Variants in MGST1 observed in about 807,000 individuals in gnomAD.
The protein encoded by MGST1 is glutathione S-transferase 12.
MGST1 carries 5 observed loss-of-function variants against 8.9 expected under a neutral mutation model. The ratio of observed to expected loss-of-function variants is 0.56; its 90% CI spans 0.29 to 1.19. MGST1 has a LOEUF of 1.19. Ranked by LOEUF, MGST1 falls within the 50% of genes most tolerant of loss-of-function variation. MGST1 has a pLI of 0.08. For missense variants in MGST1, 182 were observed against 187.4 expected (o/e 0.97, Z 0.17); for synonymous variants, 54 against 67.8 (o/e 0.80, Z 1.00).
Position 16,547,064 on chromosome 12 carries a change from C to G in MGST1, n.483-42464C>G, listed in dbSNP as rs1420374138. 6.6e-6 allele frequency among the ~76,000 whole-genome samples: 1 copy of G among 152,074 alleles called. No individual in the cohort carries two copies. The highest frequency in any genetic ancestry group is 2.4e-5 in the African/African-American group (1 of 41,418). On this transcript the variant is annotated intron_variant and non_coding_transcript_variant, in intron 4 of 4. Coordinates refer to the MGST1 transcript ENST00000538857. This position sits in a 1 kb window ranked among gnomAD's most constrained non-coding sequence, Gnocchi z 4.6. ...TAAAAATATACCTTTCTGAATAATACTTTTCTAATAGCATGGCCTCAAAGG... is the reference window on the plus strand; with the variant it reads ...TAAAAATATACCTTTCTGAATAATAGTTTTCTAATAGCATGGCCTCAAAGG...
intron 4 of MGST1, among the ~76,000 whole-genome samples, chr12:16,515,056 C>T (rs1040173148): frequency 2.0e-5 from 3 of 152,182 alleles, no homozygotes; most frequent in African/African-American, 7.2e-5. Flanking sequence ...ACATTAGAGG[C>T]TTTGAGAGAA....
chr12:16,479,389 C>T (rs1404523203), intron 4 of MGST1, among the ~76,000 whole-genome samples: 12 of 151,440 alleles, frequency 7.9e-5, no homozygotes, highest in Non-Finnish European at 1.8e-4. Context: ...TGCCCGCCAC[C>T]ACGCCCGGCT....
chr12:16,447,832 A>G (rs976200509), intron 4 of MGST1, among the ~76,000 whole-genome samples: 8 of 151,978 alleles, frequency 5.3e-5, no homozygotes, highest in African/African-American at 1.9e-4. Flanking sequence ...GAGTTCCTTT[A>G]TATATTTTTC....
chr12:16,563,393 T>A (rs192672025), intron 4 of MGST1, among the ~76,000 whole-genome samples: 55 of 152,342 alleles, frequency 3.6e-4, no homozygotes, highest in Non-Finnish European at 6.3e-4. Context: ...AAATGTATAA[T>A]GTTATCCTTT....
chr12:16,354,645 A>T (rs780845180), intron 2 of MGST1: 6 of 232,048 alleles, frequency 2.6e-5, no homozygotes, highest in Non-Finnish European at 4.9e-5. Context: ...GGAATATCAA[A>T]GTTTTCACGG....
Position 16,582,832 on chromosome 12 carries a change from G to A in MGST1, n.483-6696G>A, listed in dbSNP as rs57776661. Among the ~76,000 whole-genome samples, 7,449 of 152,166 alleles carry A rather than the reference G, an allele frequency of 0.049. 624 individuals are homozygous for A. Among genetic ancestry groups the A allele is most frequent in the African/African-American group, 0.17 (7,030 of 41,496 alleles). ...GGAGGCCAAATTGAGTGGATCACCT[G>A]AGGTCAGGAGTTCGAGACCAGCCTG... is the stretch of plus-strand genomic sequence containing the variant. On this transcript the variant is annotated intron_variant and non_coding_transcript_variant, in intron 4 of 4. Coordinates refer to the MGST1 transcript ENST00000538857. This position sits in a 1 kb window ranked among gnomAD's most constrained non-coding sequence, Gnocchi z 4.1.
intron 4 of MGST1, among the ~76,000 whole-genome samples, chr12:16,463,795 T>C (rs1941236851): frequency 6.6e-6 from 1 of 152,214 alleles, no homozygotes; most frequent in Non-Finnish European, 1.5e-5. Flanking sequence ...TAAGCCTGTT[T>C]TGTTGTCTAA....
chr12:16,587,704 G>A lies in MGST1; in HGVS notation n.483-1824G>A, dbSNP rs535388642. On this transcript the variant is annotated intron_variant and non_coding_transcript_variant, in intron 4 of 4. Coordinates refer to the MGST1 transcript ENST00000538857. The surrounding 1 kb of genome is among the most constrained non-coding windows in gnomAD (Gnocchi z 4.3). ...CACGACACAAGTATTTTTCACTACA[G>A]GAGACAAACAATGATATGTATTACA... 6.6e-6 allele frequency among the ~76,000 whole-genome samples: 1 copy of A among 151,770 alleles called. No individual in the cohort carries two copies. The highest frequency in any genetic ancestry group is 1.5e-5 in the Non-Finnish European group (1 of 67,748).
chr12:16,411,086 A>C (rs1940738932), intron 1 of MGST1, among the ~76,000 whole-genome samples: 1 of 151,922 alleles, frequency 6.6e-6, no homozygotes, highest in Non-Finnish European at 1.5e-5. Flanking sequence ...TCTTTTTCTC[A>C]TCAAGTTCTT....
At chr12:16,505,125 C>T (rs1038306178) in intron 4 of MGST1, among the ~76,000 whole-genome samples, 2 of 152,232 alleles carry the variant, frequency 1.3e-5, no homozygotes, top group African/African-American at 2.4e-5. Context: ...GGACACATCC[C>T]AGAGGGCAAT....
rs184852264 is a variant in MGST1 at position 16,447,090 on chromosome 12, C to T, written n.482+63486C>T. The stretch of plus-strand genomic sequence containing the variant: ...TTTACTCAGCATGGACCGTCACTTT[C>T]TCCAGACTTCTAAGAGATGCCATAG... On this transcript the variant is annotated intron_variant and non_coding_transcript_variant, in intron 4 of 4. Transcript: ENST00000538857. Among the ~76,000 whole-genome samples the T allele has an allele frequency of 1.7e-3, 253 of 152,064 alleles. 2 individuals are homozygous for T. Among genetic ancestry groups the T allele is most frequent in the Admixed American group, 0.015 (229 of 15,264 alleles).
At chr12:16,511,242 G>T (rs1223999128) in intron 4 of MGST1, among the ~76,000 whole-genome samples, 1 of 152,222 alleles carries the variant, frequency 6.6e-6, no homozygotes, top group Non-Finnish European at 1.5e-5. Context: ...TTAACTGCCA[G>T]CAGCAAAGTT....
intron 4 of MGST1, among the ~76,000 whole-genome samples, chr12:16,456,215 A>C (rs1486225474): frequency 6.6e-6 from 1 of 151,872 alleles, no homozygotes; most frequent in Non-Finnish European, 1.5e-5. Flanking sequence ...CTCTGGAAAT[A>C]TGTAGTGTTC....
At chr12:16,437,092 G>T (rs1043565892) in intron 1 of MGST1, among the ~76,000 whole-genome samples, 9 of 152,044 alleles carry the variant, frequency 5.9e-5, no homozygotes, top group Admixed American at 2.0e-4. Context: ...GAAGCCTGGA[G>T]TACCCTGGGA....
At chr12:16,518,018 A>G (rs890228637) in intron 4 of MGST1, among the ~76,000 whole-genome samples, 2 of 152,222 alleles carry the variant, frequency 1.3e-5, no homozygotes, top group Non-Finnish European at 2.9e-5. Flanking sequence ...GAGGTCTTCA[A>G]CATGGAAGAA....
intron 4 of MGST1, among the ~76,000 whole-genome samples, chr12:16,508,208 A>T (rs2137176184): frequency 6.6e-6 from 1 of 152,138 alleles, no homozygotes; most frequent in African/African-American, 2.4e-5. Context: ...TTGCTGGTAA[A>T]TGAATGAATG....
At chr12:16,457,059 G>T (rs1941179443) in intron 4 of MGST1, among the ~76,000 whole-genome samples, 1 of 151,872 alleles carries the variant, frequency 6.6e-6, no homozygotes, top group South Asian at 2.1e-4. Context: ...ACTGTTCAAA[G>T]AATTTGGACC....
At chr12:16,400,199 C>A in intron 1 of MGST1, 1 of 989,154 alleles carries the variant, frequency 1.0e-6, no homozygotes. Context: ...GTCTCTCCCA[C>A]TTCTGTGTAG....
chr12:16,500,063 T>C lies in MGST1; in HGVS notation n.483-89465T>C, dbSNP rs1285275037. On this transcript the variant is annotated intron_variant and non_coding_transcript_variant, in intron 4 of 4. Transcript: ENST00000538857. This position sits in a 1 kb window ranked among gnomAD's most constrained non-coding sequence, Gnocchi z 4.3. ...GCTAGAATTCCAGGGGATAGTTTCATAAGTATGTTTAAACTTTAGATATTT... is the reference window on the plus strand; with the variant it reads ...GCTAGAATTCCAGGGGATAGTTTCACAAGTATGTTTAAACTTTAGATATTT... Among the ~76,000 whole-genome samples, 3 of 152,208 alleles carry C rather than the reference T, an allele frequency of 2.0e-5. No individual in the cohort carries two copies. Among genetic ancestry groups the C allele is most frequent in the Admixed American group, 1.3e-4 (2 of 15,276 alleles).
Sources: gnomAD v4.1 joint callset for allele counts (sites outside exome capture counted in the v4.1 genomes callset) on GRCh38, gnomAD v4.1.1 for gene constraint, Gnocchi (gnomAD v3.1) non-coding constraint, MANE v1.5 for transcripts, NCBI Gene and HGNC (gene_info 2026-07-23, HGNC 2026-07-21) for gene names.